The following DGKB variants were observed in gnomAD, a reference collection of about 807,000 sequenced individuals.
DGKB encodes diacylglycerol kinase beta.
A neutral mutation model predicts 114.3 loss-of-function variants in DGKB; 67 were observed. The observed-to-expected ratio is 0.59, with a 90% CI of 0.48 to 0.72. The LOEUF is 0.72. DGKB is among the 30% of genes least tolerant of loss of function. The probability of loss-of-function intolerance (pLI) is 0.00; values close to 1 mark genes in which losing one functional copy is unlikely to be tolerated. For missense variants in DGKB, 907 were observed against 975.2 expected, an observed-to-expected ratio of 0.93 and a Z score of 0.93; for synonymous variants, 398 against 323.1, an observed-to-expected ratio of 1.23 and a Z score of -2.49.
intron 23 of DGKB, among the ~76,000 whole-genome samples, chr7:14,321,118 C>G (rs1002379572): frequency 6.6e-6 from 1 of 151,938 alleles, no homozygotes; most frequent in Non-Finnish European, 1.5e-5. Flanking sequence ...TGGCAAATCC[C>G]TGTCCCTACA....
At chr7:14,249,180 C>G (rs1794884628) in intron 23 of DGKB, among the ~76,000 whole-genome samples, 1 of 152,100 alleles carries the variant, frequency 6.6e-6, no homozygotes, top group Non-Finnish European at 1.5e-5. Flanking sequence ...ATCCTTACAT[C>G]CTTGGAATAA....
intron 23 of DGKB, among the ~76,000 whole-genome samples, chr7:14,225,553 A>G (rs527563164): frequency 6.6e-6 from 1 of 152,186 alleles, no homozygotes; most frequent in South Asian, 2.1e-4. Context: ...AGCTACTTGT[A>G]TTAATGAAAT....
At chr7:14,894,260 T>C (rs931383985) in intron 1 of DGKB, among the ~76,000 whole-genome samples, 1 of 151,462 alleles carries the variant, frequency 6.6e-6, no homozygotes, top group Non-Finnish European at 1.5e-5. Flanking sequence ...TCTTTTAACA[T>C]ACGTATTAGC....
At chr7:14,542,943 T>A (rs915788741) in intron 20 of DGKB, among the ~76,000 whole-genome samples, 1 of 152,204 alleles carries the variant, frequency 6.6e-6, no homozygotes, top group Non-Finnish European at 1.5e-5. Flanking sequence ...GGAGATGGGT[T>A]CATTTAGGCC....
At chr7:14,862,163 C>G (rs942221816) in intron 1 of DGKB, among the ~76,000 whole-genome samples, 3 of 151,804 alleles carry the variant, frequency 2.0e-5, no homozygotes, top group Non-Finnish European at 4.4e-5. Context: ...GTAAAATTGA[C>G]AAATAAAAAT....
At chr7:14,935,256 A>T (rs186845333) in intron 1 of DGKB, among the ~76,000 whole-genome samples, 29 of 142,876 alleles carry the variant, frequency 2.0e-4, no homozygotes, top group African/African-American at 8.1e-4. Flanking sequence ...TGTCACACTG[A>T]GCTATTTATC....
chr7:14,191,928 A>C (rs564474913), intron 23 of DGKB: 7 of 652,188 alleles, frequency 1.1e-5, no homozygotes, highest in African/African-American at 3.7e-5. Context: ...AAAAAGCTGG[A>C]AGATGGCCCT....
intron 1 of DGKB, among the ~76,000 whole-genome samples, chr7:14,879,269 A>C (rs527839355): frequency 2.0e-5 from 3 of 152,016 alleles, no homozygotes; most frequent in South Asian, 4.1e-4. Context: ...TGATTTGTCT[A>C]TGTTAGGGAG....
At chr7:14,850,477 C>T (rs1849208302) in intron 1 of DGKB, among the ~76,000 whole-genome samples, 1 of 152,000 alleles carries the variant, frequency 6.6e-6, no homozygotes, top group Non-Finnish European at 1.5e-5. Context: ...AGAGATAAGT[C>T]CCAGAAAGTC....
At chr7:14,256,691 A>G (rs1217223141) in intron 23 of DGKB, among the ~76,000 whole-genome samples, 1 of 152,212 alleles carries the variant, frequency 6.6e-6, no homozygotes, top group African/African-American at 2.4e-5. Context: ...AGAGATTAGG[A>G]TACTCAGTAA....
intron 9 of DGKB, 123 bp from the exon 10 acceptor site, chr7:14,685,485 T>C (rs1821526395): frequency 5.7e-6 from 4 of 698,626 alleles, no homozygotes; most frequent in East Asian, 5.5e-5. Context: ...CATCCCTGAC[T>C]TTCTCCAAGA....
At chr7:14,635,008 AT>A (rs971909285) in intron 13 of DGKB, among the ~76,000 whole-genome samples, 29 of 151,636 alleles carry the variant, frequency 1.9e-4, no homozygotes, top group African/African-American at 5.3e-4. Flanking sequence ...AACATAAATT[AT>A]TTTTCTTTTC....
chr7:14,798,400 C>G (rs1841703287), intron 2 of DGKB, among the ~76,000 whole-genome samples: 1 of 152,164 alleles, frequency 6.6e-6, no homozygotes, highest in African/African-American at 2.4e-5. Flanking sequence ...GCTTCAAGCT[C>G]CACATTATTG....
intron 1 of DGKB, among the ~76,000 whole-genome samples, chr7:14,974,331 AT>A (rs1787666803): frequency 6.6e-6 from 1 of 152,098 alleles, no homozygotes; most frequent in Admixed American, 6.6e-5. Flanking sequence ...GAGACAAGTT[AT>A]TTTTAAAGTT....
intron 13 of DGKB, among the ~76,000 whole-genome samples, 153 bp downstream of exon 13, chr7:14,672,776 A>C (rs1819182849): frequency 6.6e-6 from 1 of 152,142 alleles, no homozygotes; most frequent in Admixed American, 6.6e-5. Context: ...TATAGTGGAC[A>C]AAGGTGTTCT....
At chr7:14,638,360 A>T (rs972421400) in intron 13 of DGKB, among the ~76,000 whole-genome samples, 2 of 152,170 alleles carry the variant, frequency 1.3e-5, no homozygotes, top group Admixed American at 1.3e-4. Context: ...TTAGCTTCTA[A>T]CAAAATGATT....
At chr7:14,152,465 C>CA (rs1782362788) in intron 25 of DGKB, among the ~76,000 whole-genome samples, 1 of 152,012 alleles carries the variant, frequency 6.6e-6, no homozygotes, top group African/African-American at 2.4e-5. Context: ...GCATTGCTTA[C>CA]AACATGCAAG....
At chr7:14,942,360 T>C (rs1198534130) in intron 1 of DGKB, among the ~76,000 whole-genome samples, 1 of 152,040 alleles carries the variant, frequency 6.6e-6, no homozygotes. Context: ...AGCAACAGGA[T>C]ACATCTTAAT....
chr7:14,617,581 A>G (rs990867143), intron 15 of DGKB, among the ~76,000 whole-genome samples: 1 of 151,488 alleles, frequency 6.6e-6, no homozygotes, highest in Non-Finnish European at 1.5e-5. Context: ...CCATTCAATC[A>G]TGTCACTCCT....
Sources: gnomAD v4.1 joint callset for allele counts (sites outside exome capture counted in the v4.1 genomes callset) on GRCh38, gnomAD v4.1.1 for gene constraint, MANE v1.5 for transcripts, NCBI Gene and HGNC (gene_info 2026-07-23, HGNC 2026-07-21) for gene names.